Variants in CORIN observed in about 807,000 individuals in gnomAD.
CORIN encodes the protein corin, serine peptidase.
CORIN carries 117 observed loss-of-function variants against 125.3 expected under a neutral mutation model. That is an observed-to-expected ratio of 0.93 (90% CI 0.80 to 1.09). The LOEUF (loss-of-function observed/expected upper bound fraction) is 1.09, where lower values mean the gene tolerates loss of function less well. Ranked by LOEUF, CORIN falls within the 50% of genes least tolerant of loss-of-function variation. CORIN has a pLI of 0.00. For missense variants in CORIN, 1,253 were observed against 1,306.7 expected, an observed-to-expected ratio of 0.96 and a Z score of 0.63; for synonymous variants, 450 against 466.4, an observed-to-expected ratio of 0.96 and a Z score of 0.45.
intron 5 of CORIN, among the ~76,000 whole-genome samples, chr4:47,699,487 G>GTC (rs1207795258): frequency 1.3e-5 from 2 of 152,092 alleles, no homozygotes; most frequent in Non-Finnish European, 2.9e-5. Flanking sequence ...TTTGCTGATT[G>GTC]TCTCTCTCTC....
intron 3 of CORIN, among the ~76,000 whole-genome samples, chr4:47,769,280 A>G (rs2109882428): frequency 6.7e-6 from 1 of 149,152 alleles, no homozygotes; most frequent in Admixed American, 6.7e-5. Context: ...AATCACATTT[A>G]CAATAGCTAC....
chr4:47,697,895 T>C (rs1308669656), intron 5 of CORIN, among the ~76,000 whole-genome samples: 1 of 152,026 alleles, frequency 6.6e-6, no homozygotes, highest in African/African-American at 2.4e-5. Flanking sequence ...AAATATCTAA[T>C]GACGTATTTT....
chr4:47,761,769 T>A (rs1410395095), intron 4 of CORIN, among the ~76,000 whole-genome samples: 1 of 152,050 alleles, frequency 6.6e-6, no homozygotes, highest in Non-Finnish European at 1.5e-5. Context: ...AAAATTACAG[T>A]TAGCTAGGGG....
At chr4:47,761,462 T>C (rs1232281404) in intron 4 of CORIN, among the ~76,000 whole-genome samples, 1 of 149,128 alleles carries the variant, frequency 6.7e-6, no homozygotes, top group Non-Finnish European at 1.5e-5. Flanking sequence ...AACCAATGAA[T>C]GCATAAAGAA....
rs1724236169 is a variant in CORIN, at chr4:47,661,238, T to C, written c.1735+473A>G. On this transcript the variant is annotated intron_variant, in intron 12 of 21. Coordinates refer to ENST00000273857, the MANE Select transcript of CORIN (RefSeq NM_006587.4). ...TAATTGGTACAGAAATATAGTTAGA[T>C]AGAATGAATAAGATCTAGTATTTGA... is the stretch of plus-strand genomic sequence containing the variant. Among the ~76,000 whole-genome samples, 14 of 152,120 alleles carry C rather than the reference T, an allele frequency of 9.2e-5. No homozygotes were observed. In the South Asian group the frequency reaches 2.9e-3, roughly 32 times the overall value.
At chr4:47,786,656 G>T in intron 3 of CORIN, 69 bp downstream of exon 3, 1 of 1,214,422 alleles carries the variant, frequency 8.2e-7, no homozygotes, top group Non-Finnish European at 1.2e-6. Context: ...TAAAAGCATT[G>T]GTTGCCAAAC....
chr4:47,731,132 G>A (rs1051081364), intron 5 of CORIN, among the ~76,000 whole-genome samples: 6 of 152,220 alleles, frequency 3.9e-5, no homozygotes, highest in African/African-American at 1.2e-4. Flanking sequence ...TTTTTAACTA[G>A]AACAACTGAA....
intron 2 of CORIN, among the ~76,000 whole-genome samples, chr4:47,806,326 C>A (rs1339194634): frequency 1.3e-5 from 2 of 152,116 alleles, no homozygotes; most frequent in Non-Finnish European, 2.9e-5. Flanking sequence ...CTTTATTGAT[C>A]TAGCTGCATT....
rs529430072 is a variant in CORIN, at chr4:47,737,440, T to C, written c.799+6962A>G. On this transcript the variant is annotated intron_variant, in intron 5 of 21. Transcript: ENST00000273857. ...GGAACACTGAAGAGATCTGCCTCAC[T>C]CAGTGGCACACTCTTCCCAGGAAGG... 2.0e-5 allele frequency among the ~76,000 whole-genome samples: 3 copies of C among 152,178 alleles called. No homozygotes were observed. The East Asian group carries it at 5.8e-4, about 29-fold the overall frequency.
At chr4:47,609,498 C>G (rs959241117) in intron 19 of CORIN, among the ~76,000 whole-genome samples, 2 of 152,152 alleles carry the variant, frequency 1.3e-5, no homozygotes, top group African/African-American at 4.8e-5. Context: ...CTTCAGCCTT[C>G]CAAAGTGCTG....
chr4:47,817,260 T>C (rs1732312611), intron 1 of CORIN, among the ~76,000 whole-genome samples: 1 of 149,440 alleles, frequency 6.7e-6, no homozygotes, highest in African/African-American at 2.5e-5. Context: ...TTAAGTCCTT[T>C]AAAACATATA....
At chr4:47,619,785 T>C (rs1722224494) in intron 19 of CORIN, among the ~76,000 whole-genome samples, 1 of 152,198 alleles carries the variant, frequency 6.6e-6, no homozygotes, top group Non-Finnish European at 1.5e-5. Flanking sequence ...TGCTGTTCCC[T>C]GAAAAAAACT....
At chr4:47,683,628 A>G in intron 7 of CORIN, 103 bp downstream of exon 7, 1 of 771,770 alleles carries the variant, frequency 1.3e-6, no homozygotes, top group Non-Finnish European at 2.0e-6. Context: ...ATCATTTTGT[A>G]ATTTAAACTG....
chr4:47,831,980 G>A (rs1733032135), intron 1 of CORIN, among the ~76,000 whole-genome samples: 1 of 152,158 alleles, frequency 6.6e-6, no homozygotes, highest in Admixed American at 6.5e-5. Flanking sequence ...GTAGTGAGGT[G>A]GAGTATTAGT....
At chr4:47,787,175 C>T (rs1463230119) in intron 2 of CORIN, among the ~76,000 whole-genome samples, 1 of 152,114 alleles carries the variant, frequency 6.6e-6, no homozygotes, top group Non-Finnish European at 1.5e-5. Flanking sequence ...CAAGAGCTTA[C>T]GGTTTAGAAA....
In CORIN at chr4:47,826,592, T is replaced by C. The variant is rs116739127; in HGVS notation, c.63+11295A>G. On this transcript the variant is annotated intron_variant, in intron 1 of 21. Transcript: ENST00000273857. ...CCATCTCTACATCCACCATCACTAA[T>C]TGTCACATGTGATTCTGACCTTTCT... is the stretch of plus-strand genomic sequence containing the variant. 5.5e-3 allele frequency among the ~76,000 whole-genome samples: 836 copies of C among 152,334 alleles called. 5 individuals are homozygous for C. The highest frequency in any genetic ancestry group is 0.019 in the African/African-American group (786 of 41,574).
In CORIN at chr4:47,659,479, C is replaced by G. The variant is rs74564941; in HGVS notation, c.1735+2232G>C. On this transcript the variant is annotated intron_variant, in intron 12 of 21. Transcript: ENST00000273857. ...AGGAACCATGGTGAAGACATCTGCT[C>G]AGCTTCTATGAAGGCCCCAAGAAGC... Among the ~76,000 whole-genome samples the G allele has an allele frequency of 3.7e-3, 563 of 152,300 alleles. 5 individuals are homozygous for G. Among genetic ancestry groups the G allele is most frequent in the African/African-American group, 0.013 (556 of 41,560 alleles).
intron 1 of CORIN, among the ~76,000 whole-genome samples, chr4:47,811,148 C>T: frequency 6.6e-6 from 1 of 152,176 alleles, no homozygotes; most frequent in East Asian, 1.9e-4. Context: ...TATCCATGCA[C>T]TCCCTAACCT....
intron 20 of CORIN, 51 bp downstream of exon 20, chr4:47,603,346 C>T (rs529165844): frequency 1.9e-6 from 3 of 1,564,524 alleles, no homozygotes; most frequent in African/African-American, 2.7e-5. Context: ...ATTACCCACT[C>T]TCAGGTATGT....
Sources: allele counts gnomAD v4.1 joint callset (sites outside exome capture counted in the v4.1 genomes callset), GRCh38; gene constraint gnomAD v4.1.1; transcripts MANE v1.5; gene names NCBI Gene and HGNC (gene_info 2026-07-23, HGNC 2026-07-21).